CACNA2D3: variants seen among roughly 807,000 people sequenced by gnomAD.
CACNA2D3 encodes voltage-dependent calcium channel subunit alpha-2/delta-3.
A neutral mutation model predicts 160.6 loss-of-function variants in CACNA2D3; 60 were observed. That is an observed-to-expected ratio of 0.37 (90% CI 0.30 to 0.46). The LOEUF is 0.46. Among genes scored for constraint, CACNA2D3 ranks in the 20% least tolerant of loss-of-function variants. The probability of loss-of-function intolerance (pLI) is 1.00; values close to 1 mark genes in which losing one functional copy is unlikely to be tolerated. For synonymous variants in CACNA2D3, 558 were observed against 492.9 expected (o/e 1.13, Z -1.75); for missense variants, 1,205 against 1,365.0 (o/e 0.88, Z 1.85).
chr3:54,330,113 C>A (rs1271758660), intron 3 of CACNA2D3, among the ~76,000 whole-genome samples: 1 of 152,070 alleles, frequency 6.6e-6, no homozygotes, highest in Non-Finnish European at 1.5e-5. Flanking sequence ...TATTGCACAT[C>A]CCAGGCTTAC....
intron 9 of CACNA2D3, among the ~76,000 whole-genome samples, chr3:54,582,960 C>T (rs1353221402): frequency 6.6e-6 from 1 of 152,148 alleles, no homozygotes; most frequent in Non-Finnish European, 1.5e-5. Context: ...TGATAAGCTT[C>T]ATATTTAGGA....
chr3:54,591,725 C>T (rs1403205382), intron 9 of CACNA2D3, among the ~76,000 whole-genome samples: 1 of 152,126 alleles, frequency 6.6e-6, no homozygotes, highest in African/African-American at 2.4e-5. Flanking sequence ...CTGTCTCATT[C>T]TGTCTAAACA....
intron 11 of CACNA2D3, among the ~76,000 whole-genome samples, chr3:54,690,575 T>A (rs140112126): frequency 3.3e-5 from 5 of 152,218 alleles, no homozygotes; most frequent in African/African-American, 1.2e-4. Context: ...GAGTATGTTA[T>A]CTGGCTAGTG....
At chr3:54,782,856 C>T (rs376070651) in intron 13 of CACNA2D3, among the ~76,000 whole-genome samples, 6 of 152,120 alleles carry the variant, frequency 3.9e-5, no homozygotes, top group African/African-American at 9.7e-5. Flanking sequence ...TCCTTCCTAA[C>T]GGTGGAGTAG....
At chr3:54,322,730 C>G (rs1704030463) in intron 3 of CACNA2D3, among the ~76,000 whole-genome samples, 1 of 152,038 alleles carries the variant, frequency 6.6e-6, no homozygotes, top group Non-Finnish European at 1.5e-5. Flanking sequence ...TAGGAAACAC[C>G]TGGATGATGA....
At chr3:54,843,387 G>T (rs543586873) in intron 16 of CACNA2D3, among the ~76,000 whole-genome samples, 1 of 152,330 alleles carries the variant, frequency 6.6e-6, no homozygotes, top group South Asian at 2.1e-4. Context: ...GCATGGGTGA[G>T]GATTAGCCAC....
At chr3:54,350,995 T>TG (rs1559457877) in intron 3 of CACNA2D3, among the ~76,000 whole-genome samples, 4 of 119,350 alleles carry the variant, frequency 3.4e-5, no homozygotes, top group Middle Eastern at 4.5e-3. Context: ...TGTTTTTTTT[T>TG]TTTTTTTTTT....
intron 2 of CACNA2D3, among the ~76,000 whole-genome samples, chr3:54,131,756 AT>A (rs201127084): frequency 1.8e-4 from 26 of 148,064 alleles, no homozygotes; most frequent in Admixed American, 2.7e-4. Context: ...AGGGAGGTGG[AT>A]TTTTTTTTTT....
intron 27 of CACNA2D3, among the ~76,000 whole-genome samples, chr3:54,935,509 A>G (rs906499905): frequency 4.6e-5 from 7 of 152,220 alleles, no homozygotes; most frequent in Non-Finnish European, 1.0e-4. Context: ...AAGCCTGGCC[A>G]AAGCCTCACA....
intron 27 of CACNA2D3, among the ~76,000 whole-genome samples, chr3:54,936,777 A>G (rs1701339562): frequency 2.0e-5 from 3 of 152,192 alleles, no homozygotes. Context: ...CTTAGCTTTC[A>G]TCATGAAGCA....
At chr3:54,560,555 CT>C (rs1374629545) in intron 5 of CACNA2D3, among the ~76,000 whole-genome samples, 2 of 152,092 alleles carry the variant, frequency 1.3e-5, no homozygotes, top group Non-Finnish European at 2.9e-5. Context: ...TTGGTGGTTT[CT>C]TTTGCAGAAG....
chr3:54,554,853 C>G (rs1553723745), intron 5 of CACNA2D3, among the ~76,000 whole-genome samples: 2 of 136,624 alleles, frequency 1.5e-5, no homozygotes, highest in Non-Finnish European at 3.1e-5. Context: ...TATTTCTTTT[C>G]TTTTCTCTCT....
chr3:54,420,940 A>G (rs1248891175), intron 4 of CACNA2D3, among the ~76,000 whole-genome samples: 1 of 152,204 alleles, frequency 6.6e-6, no homozygotes, highest in African/African-American at 2.4e-5. Context: ...TAAATTTGGA[A>G]AACAGACTAT....
intron 2 of CACNA2D3, among the ~76,000 whole-genome samples, chr3:54,130,179 G>A (rs566984275): frequency 2.6e-4 from 40 of 152,290 alleles, no homozygotes; most frequent in African/African-American, 9.6e-4. Flanking sequence ...CCCTGGCTAA[G>A]CCTCCTGTGG....
At chr3:54,507,989 A>G (rs775784881) in intron 5 of CACNA2D3, among the ~76,000 whole-genome samples, 32 of 152,206 alleles carry the variant, frequency 2.1e-4, no homozygotes, top group Non-Finnish European at 4.6e-4. Context: ...CAAAATTTGT[A>G]TGTTGAAACC....
chr3:54,124,869 G>T (rs989089504), intron 2 of CACNA2D3, among the ~76,000 whole-genome samples: 1 of 152,168 alleles, frequency 6.6e-6, no homozygotes, highest in African/African-American at 2.4e-5. Context: ...AAATGCCCTC[G>T]TGGAAGATGA....
At chr3:54,152,267 C>T (rs2107284410) in intron 2 of CACNA2D3, among the ~76,000 whole-genome samples, 1 of 152,318 alleles carries the variant, frequency 6.6e-6, no homozygotes, top group South Asian at 2.1e-4. Flanking sequence ...GGGCATTGTG[C>T]TGTGGTTGAG....
chr3:54,335,527 C>A (rs1704354606), intron 3 of CACNA2D3, among the ~76,000 whole-genome samples: 1 of 152,176 alleles, frequency 6.6e-6, no homozygotes, highest in Non-Finnish European at 1.5e-5. Flanking sequence ...AGAGGTCACT[C>A]TCGTTGCCGT....
intron 26 of CACNA2D3, among the ~76,000 whole-genome samples, chr3:54,898,093 C>T (rs113206205): frequency 5.6e-5 from 7 of 125,558 alleles, no homozygotes; most frequent in African/African-American, 1.9e-4. Flanking sequence ...TTGCTTTCTT[C>T]CTTCCTTCCT....
Sources: gnomAD v4.1 joint callset for allele counts (sites outside exome capture counted in the v4.1 genomes callset) on GRCh38, gnomAD v4.1.1 for gene constraint, MANE v1.5 for transcripts, NCBI Gene and HGNC (gene_info 2026-07-23, HGNC 2026-07-21) for gene names.